The following STYX variants were observed in gnomAD, a reference collection of about 807,000 sequenced individuals.
The protein encoded by STYX is serine/threonine/tyrosine interacting protein.
In STYX, 20 loss-of-function variants were observed where a neutral mutation model predicts 42.7. The ratio of observed to expected loss-of-function variants is 0.47; its 90% CI spans 0.33 to 0.68. The LOEUF is 0.68. STYX is among the 30% of genes least tolerant of loss of function. STYX has a pLI of 0.02. For missense variants in STYX, 226 were observed against 268.5 expected (o/e 0.84, Z 1.11); for synonymous variants, 78 against 81.9 (o/e 0.95, Z 0.26).
intron 1 of STYX, 131 bp from the exon 2 acceptor site, chr14:52,744,721 A>T (rs368433449): frequency 3.7e-6 from 3 of 811,812 alleles, no homozygotes; most frequent in East Asian, 2.9e-5. Context: ...CAAGTCTGCT[A>T]TTTTAATAAA....
At chr14:52,770,527 T>C (rs1278189750) in intron 10 of STYX, among the ~76,000 whole-genome samples, 2 of 152,056 alleles carry the variant, frequency 1.3e-5, no homozygotes, top group African/African-American at 4.8e-5. Flanking sequence ...TAAAAGAAAA[T>C]CTCTTTATAT....
At chr14:52,730,644 A>C (rs534280334) in intron 1 of STYX, 113 bp downstream of exon 1, 3 of 1,197,844 alleles carry the variant, frequency 2.5e-6, no homozygotes, top group African/African-American at 1.5e-5. Flanking sequence ...CCTGCCTCCT[A>C]AGGGCGTCCC....
chr14:52,737,644 G>A lies in STYX; in HGVS notation c.57+7113G>A, dbSNP rs1313323762. ...GTTTCTAAAATGATAGATTTCAGGA[G>A]TAGTGTGAGCAGGCTGAGATTAAGA... is the stretch of plus-strand genomic sequence containing the variant. On this transcript the variant is annotated intron_variant, in intron 1 of 10. Transcript: ENST00000354586. 2.0e-5 allele frequency among the ~76,000 whole-genome samples: 3 copies of A among 152,212 alleles called. No individual in the cohort carries two copies. The East Asian group carries it at 5.8e-4, about 29-fold the overall frequency.
In STYX at chr14:52,730,383, G is replaced by T; in HGVS notation, c.-92G>T. Reference sequence around the variant, plus strand: ...CTCCTGTCAGCCCTCCGCTCCGCCGGCCCTCCTTCCTTCCGCCGCCGCAGC... The same window carrying T: ...CTCCTGTCAGCCCTCCGCTCCGCCGTCCCTCCTTCCTTCCGCCGCCGCAGC... On this transcript the variant is annotated 5_prime_UTR_variant, in exon 1 of 11. Coordinates refer to ENST00000354586, the MANE Select transcript of STYX (RefSeq NM_145251.4). The T allele has an allele frequency of 2.2e-6, 3 of 1,355,778 alleles. No homozygotes were observed. In the South Asian group the frequency reaches 3.7e-5, roughly 17 times the overall value. The allele number at this position is 1,355,778 out of a possible 1,614,324, so 84.0% of individuals were successfully genotyped here.
chr14:52,773,009 G>A lies in STYX; in HGVS notation c.*1903G>A, dbSNP rs1882573623. 1 of 152,004 alleles carries A rather than the reference G, an allele frequency of 6.6e-6. No individual in the cohort carries two copies. The highest frequency in any genetic ancestry group is 2.4e-5 in the African/African-American group (1 of 41,374). The allele number at this position is 152,004 out of a possible 1,614,324, so 9.4% of individuals were successfully genotyped here. On this transcript the variant is annotated 3_prime_UTR_variant, in exon 11 of 11. Transcript: ENST00000354586. ...ATATAGATCACTATTGGGCAGGTCA[G>A]CAAAGATCTCTTACAGTGTAATAAT... is the stretch of plus-strand genomic sequence containing the variant.
At position 52,772,057 on chromosome 14, in the gene STYX, C is replaced by A. The variant is rs1163120783; in HGVS notation, c.*951C>A. 1 of 152,278 alleles carries A rather than the reference C, an allele frequency of 6.6e-6. No individual in the cohort carries two copies. Among genetic ancestry groups the A allele is most frequent in the Admixed American group, 6.6e-5 (1 of 15,246 alleles). The allele number at this position is 152,278 out of a possible 1,614,324, so 9.4% of individuals were successfully genotyped here. ...CCCAAAAAAGAAAAGTGCCTTGCAT[C>A]ATTTAAAAAAAATAATTAAATCCTC... On this transcript the variant is annotated 3_prime_UTR_variant, in exon 11 of 11. Transcript: ENST00000354586.
intron 4 of STYX, among the ~76,000 whole-genome samples, chr14:52,752,001 A>G (rs1326378801): frequency 6.6e-6 from 1 of 152,142 alleles, no homozygotes; most frequent in Non-Finnish European, 1.5e-5. Flanking sequence ...CATCTCTACT[A>G]AAACAAAAAT....
intron 4 of STYX, among the ~76,000 whole-genome samples, chr14:52,753,311 A>G (rs537531732): frequency 1.3e-5 from 2 of 151,898 alleles, no homozygotes; most frequent in East Asian, 3.9e-4. Context: ...TCAGCCTCCC[A>G]AAGCACTGGG....
At chr14:52,745,033 C>A in intron 2 of STYX, 149 bp downstream of exon 2, 2 of 614,772 alleles carry the variant, frequency 3.3e-6, no homozygotes, top group Non-Finnish European at 2.5e-6. Context: ...TAAGGTTAAT[C>A]TTGGATCTTA....
Position 52,737,581 on chromosome 14 carries a change from A to G in STYX, c.57+7050A>G, listed in dbSNP as rs1336190736. On this transcript the variant is annotated intron_variant, in intron 1 of 10. Transcript: ENST00000354586. ...TTACAATAGTAACTTAAAATAGATC[A>G]TTGCTGGTGATATGGAGATGCCTCC... is the stretch of plus-strand genomic sequence containing the variant. Among the ~76,000 whole-genome samples the G allele has an allele frequency of 2.6e-5, 4 of 152,206 alleles. No homozygotes were observed. The South Asian group carries it at 6.2e-4, about 24-fold the overall frequency.
At chr14:52,762,879 T>A (rs1882149365) in intron 9 of STYX, among the ~76,000 whole-genome samples, 1 of 98,716 alleles carries the variant, frequency 1.0e-5, no homozygotes, top group Non-Finnish European at 2.0e-5. Flanking sequence ...TCTTTCTTTC[T>A]TTCTTTTTTT....
intron 3 of STYX, among the ~76,000 whole-genome samples, chr14:52,748,671 T>C (rs1466982628): frequency 6.6e-6 from 1 of 152,196 alleles, no homozygotes. Context: ...TCTATTTTGA[T>C]AGTTTATTTT....
rs1343472317 is a variant in STYX at position 52,772,157 on chromosome 14, A to G, written c.*1051A>G. 4 of 152,182 alleles carry G rather than the reference A, an allele frequency of 2.6e-5. No individual in the cohort carries two copies. The highest frequency in any genetic ancestry group is 5.9e-5 in the Non-Finnish European group (4 of 67,968). 9.4% of individuals were successfully genotyped at this position (152,182 alleles called of 1,614,324 possible). A position where few individuals can be genotyped will look rare whatever the true frequency, so the allele number is the denominator to read the frequency against. On this transcript the variant is annotated 3_prime_UTR_variant, in exon 11 of 11. Transcript: ENST00000354586. ...GTGTAATTTCCTTTCTTTTTAAACC[A>G]TAAATTAGTTTAAACTGAAAGTACG...
intron 3 of STYX, among the ~76,000 whole-genome samples, chr14:52,747,546 C>G (rs1279869845): frequency 1.3e-5 from 2 of 152,086 alleles, no homozygotes; most frequent in African/African-American, 2.4e-5. Context: ...GGGCAGGTAA[C>G]TATAGACATA....
intron 4 of STYX, 51 bp downstream of exon 4, chr14:52,750,831 G>C (rs1231760988): frequency 2.4e-6 from 3 of 1,268,844 alleles, no homozygotes; most frequent in Admixed American, 2.1e-5. Context: ...TTTCATTTCA[G>C]GTTTTGTACC....
Position 52,756,478 on chromosome 14 carries a change from A to G in STYX, c.243-73A>G, listed in dbSNP as rs141865743. The G allele has an allele frequency of 1.5e-4, 131 of 868,564 alleles. No homozygotes were observed. In the African/African-American group the frequency reaches 2.1e-3, roughly 14 times the overall value. The allele number at this position is 868,564 out of a possible 1,614,324, so 53.8% of individuals were successfully genotyped here. On this transcript the variant is annotated intron_variant, in intron 4 of 10. Transcript: ENST00000354586. ...ATTCTTGCCATGGTTAACAAGAAAT[A>G]ATGAGTTATTTTTTTAAAGTACCTT...
intron 4 of STYX, among the ~76,000 whole-genome samples, chr14:52,754,600 G>A (rs992399238): frequency 1.1e-4 from 16 of 152,068 alleles, no homozygotes; most frequent in South Asian, 2.1e-4. Flanking sequence ...CCACAATTCA[G>A]AGAAAACACT....
chr14:52,739,856 C>T (rs1881116778), intron 1 of STYX, among the ~76,000 whole-genome samples: 1 of 151,938 alleles, frequency 6.6e-6, no homozygotes, highest in African/African-American at 2.4e-5. Context: ...ATTGCCCAGG[C>T]TGGTCTTGAA....
At chr14:52,769,075 T>A in intron 10 of STYX, 142 bp downstream of exon 10, 2 of 603,510 alleles carry the variant, frequency 3.3e-6, no homozygotes, top group Non-Finnish European at 5.7e-6. Flanking sequence ...ATTCATTTTA[T>A]AATGAATAAA....
Sources: allele counts gnomAD v4.1 joint callset (sites outside exome capture counted in the v4.1 genomes callset), GRCh38; gene constraint gnomAD v4.1.1; transcripts MANE v1.5; gene names NCBI Gene and HGNC (gene_info 2026-07-23, HGNC 2026-07-21).